Variants in SOX5 observed in about 807,000 individuals in gnomAD.
The protein encoded by SOX5 is transcription factor SOX-5.
A neutral mutation model predicts 92.0 loss-of-function variants in SOX5; 9 were observed. The ratio of observed to expected loss-of-function variants is 0.10; its 90% CI spans 0.06 to 0.17. SOX5 has a LOEUF of 0.17. Ranked by LOEUF, SOX5 falls within the 10% of genes least tolerant of loss-of-function variation. The probability of loss-of-function intolerance (pLI) is 1.00; values close to 1 mark genes in which losing one functional copy is unlikely to be tolerated. For missense variants in SOX5, 642 were observed against 944.5 expected, an observed-to-expected ratio of 0.68 and a Z score of 4.20; for synonymous variants, 344 against 336.3, an observed-to-expected ratio of 1.02 and a Z score of -0.25.
intron 9 of SOX5, among the ~76,000 whole-genome samples, chr12:23,595,948 T>C (rs576381715): frequency 6.6e-6 from 1 of 152,278 alleles, no homozygotes; most frequent in African/African-American, 2.4e-5. Flanking sequence ...AAAAGACTTA[T>C]TCTGAATAAG....
chr12:24,013,045 A>G (rs1243424248), intron 4 of SOX5, among the ~76,000 whole-genome samples: 1 of 152,190 alleles, frequency 6.6e-6, no homozygotes, highest in East Asian at 1.9e-4. Flanking sequence ...GAACAAAAAA[A>G]GTTTCTGCAC....
intron 4 of SOX5, among the ~76,000 whole-genome samples, chr12:24,017,724 A>G (rs1953817861): frequency 6.6e-6 from 1 of 152,118 alleles, no homozygotes; most frequent in Non-Finnish European, 1.5e-5. Context: ...CTATGCAAGA[A>G]TCTTCTCAGT....
At chr12:24,325,462 G>A (rs1595593456) in intron 2 of SOX5, among the ~76,000 whole-genome samples, 3 of 152,136 alleles carry the variant, frequency 2.0e-5, no homozygotes, top group Admixed American at 2.0e-4. Context: ...GTTGAGAGAA[G>A]CAGCAGGAAG....
In SOX5 at chr12:23,623,928, A is replaced by G. The variant is rs2077465343; in HGVS notation, c.1017+16884T>C. ...TTCGTCATAATAGCCCAAAGGTAGA[A>G]ATAACTCAAACGTCCATAGATGGAG... On this transcript the variant is annotated intron_variant, in intron 8 of 14. Coordinates refer to ENST00000451604, the MANE Select transcript of SOX5 (RefSeq NM_006940.6). Among the ~76,000 whole-genome samples, 3 of 152,300 alleles carry G rather than the reference A, an allele frequency of 2.0e-5. No homozygotes were observed. The South Asian group carries it at 6.2e-4, about 32-fold the overall frequency.
At chr12:24,375,617 C>T (rs1304015173) in intron 1 of SOX5, among the ~76,000 whole-genome samples, 8 of 151,600 alleles carry the variant, frequency 5.3e-5, no homozygotes, top group Non-Finnish European at 1.2e-4. Flanking sequence ...GCACCTGTAA[C>T]CTCAGCTACT....
intron 3 of SOX5, among the ~76,000 whole-genome samples, chr12:23,796,474 A>G (rs1389037166): frequency 6.6e-6 from 1 of 152,078 alleles, no homozygotes; most frequent in African/African-American, 2.4e-5. Context: ...GCTAATGCTT[A>G]AAAATCATAT....
intron 1 of SOX5, among the ~76,000 whole-genome samples, chr12:23,909,775 A>T (rs534698560): frequency 6.6e-6 from 1 of 152,194 alleles, no homozygotes; most frequent in South Asian, 2.1e-4. Flanking sequence ...TTGATGGAGA[A>T]AAGTAATCAT....
chr12:24,228,961 G>T (rs1427187800), intron 3 of SOX5, among the ~76,000 whole-genome samples: 1 of 152,156 alleles, frequency 6.6e-6, no homozygotes, highest in Non-Finnish European at 1.5e-5. Context: ...CATATAATTA[G>T]TTTATTCACA....
At chr12:23,691,286 C>T (rs2088750521) in intron 6 of SOX5, among the ~76,000 whole-genome samples, 1 of 152,198 alleles carries the variant, frequency 6.6e-6, no homozygotes, top group Admixed American at 6.5e-5. Flanking sequence ...TATTTTCTGT[C>T]TTCTTTAGAT....
In SOX5 at chr12:23,655,983, T is replaced by C. The variant is rs187769155; in HGVS notation, c.931+9461A>G. Among the ~76,000 whole-genome samples, 610 of 151,584 alleles carry C rather than the reference T, an allele frequency of 4.0e-3. 2 individuals are homozygous for C. The highest frequency in any genetic ancestry group is 0.014 in the African/African-American group (583 of 41,098). ...ATAATGATATTTTATATTTATACAA[T>C]AATTTGACTTCTTTAGAAATGCATA... On this transcript the variant is annotated intron_variant, in intron 7 of 14. Transcript: ENST00000451604.
intron 4 of SOX5, among the ~76,000 whole-genome samples, chr12:24,034,134 C>A (rs1380265814): frequency 2.0e-5 from 3 of 151,942 alleles, no homozygotes; most frequent in Admixed American, 1.3e-4. Flanking sequence ...GAAACATCTC[C>A]AACAGATTGA....
chr12:24,429,045 C>A (rs139245109), intron 1 of SOX5, among the ~76,000 whole-genome samples: 103 of 152,088 alleles, frequency 6.8e-4, no homozygotes, highest in Middle Eastern at 3.4e-3. Context: ...TGGCCGGGCG[C>A]GGTGGCTCAC....
chr12:23,888,599 C>A (rs915440100), intron 2 of SOX5, among the ~76,000 whole-genome samples: 4 of 152,158 alleles, frequency 2.6e-5, no homozygotes, highest in Admixed American at 1.3e-4. Context: ...ACAAAATGAT[C>A]GATTGCACAA....
rs184221858 is a variant in SOX5 at position 24,270,140 on chromosome 12, C to A, written c.-77+7076G>T. ...GCAGTGGCACGATCTCAGCTCACTG[C>A]AACCTCCACCTCCCGGGTTCAAGCA... On this transcript the variant is annotated intron_variant, in intron 3 of 4. Coordinates refer to the SOX5 transcript ENST00000446891. Among the ~76,000 whole-genome samples the A allele has an allele frequency of 2.2e-3, 331 of 152,220 alleles. 1 individual carries two copies. The highest frequency in any genetic ancestry group is 7.6e-3 in the African/African-American group (314 of 41,544).
At chr12:24,028,957 T>C (rs1955187213) in intron 4 of SOX5, among the ~76,000 whole-genome samples, 1 of 151,986 alleles carries the variant, frequency 6.6e-6, no homozygotes, top group African/African-American at 2.4e-5. Context: ...AACAAATAAG[T>C]TGGCGCTGCT....
Position 24,036,330 on chromosome 12 carries a change from A to G in SOX5, c.-1-140306T>C, listed in dbSNP as rs571148734. Among the ~76,000 whole-genome samples, 5 of 152,218 alleles carry G rather than the reference A, an allele frequency of 3.3e-5. No homozygotes were observed. The East Asian group carries it at 9.7e-4, about 29-fold the overall frequency. On this transcript the variant is annotated intron_variant, in intron 4 of 4. Transcript: ENST00000446891. ...GTAGTCCCATGTGTAAATGATAATT[A>G]ATGCCATTAAACATTCCAACACTAT...
At chr12:23,782,711 T>C (rs1263312020) in intron 3 of SOX5, among the ~76,000 whole-genome samples, 4 of 152,190 alleles carry the variant, frequency 2.6e-5, no homozygotes, top group African/African-American at 9.6e-5. Flanking sequence ...TCCACAAAGA[T>C]TTATCTCTTT....
At chr12:24,056,974 C>CAAAAAAAAAAAAAAAA (rs60085412) in intron 4 of SOX5, among the ~76,000 whole-genome samples, 1,133 of 36,086 alleles carry the variant, frequency 0.031, 46 homozygotes, top group Non-Finnish European at 0.047. Flanking sequence ...GACTCCGTCT[C>CAAAAAAAAAAAAAAAA]AAAAAAAAAA....
At chr12:23,674,927 T>C (rs765797748) in intron 6 of SOX5, among the ~76,000 whole-genome samples, 5 of 152,122 alleles carry the variant, frequency 3.3e-5, no homozygotes, top group Admixed American at 6.6e-5. Context: ...ATATTTAACA[T>C]AGTAATTGCC....
Sources: gnomAD v4.1 joint callset for allele counts (sites outside exome capture counted in the v4.1 genomes callset) on GRCh38, gnomAD v4.1.1 for gene constraint, MANE v1.5 for transcripts, NCBI Gene and HGNC (gene_info 2026-07-23, HGNC 2026-07-21) for gene names.